The following CNST variants were observed in gnomAD, a reference collection of about 807,000 sequenced individuals.
CNST encodes the protein consortin.
A neutral mutation model predicts 72.4 loss-of-function variants in CNST; 39 were observed. That is an observed-to-expected ratio of 0.54 (90% CI 0.42 to 0.70). CNST has a LOEUF of 0.70. Ranked by LOEUF, CNST falls within the 30% of genes least tolerant of loss-of-function variation. The pLI is 0.00. For synonymous variants in CNST, 332 were observed against 320.1 expected (o/e 1.04, Z -0.40); for missense variants, 871 against 868.5 (o/e 1.00, Z -0.04).
intron 2 of CNST, among the ~76,000 whole-genome samples, chr1:246,609,151 A>G (rs1240066301): frequency 6.6e-6 from 1 of 152,234 alleles, no homozygotes; most frequent in African/African-American, 2.4e-5. Context: ...GCCCGAGGTC[A>G]GGTCAGAAGG....
chr1:246,622,081 G>A (rs777615557), intron 3 of CNST, among the ~76,000 whole-genome samples: 7 of 152,126 alleles, frequency 4.6e-5, no homozygotes, highest in Non-Finnish European at 1.0e-4. Flanking sequence ...TGGTGAGCCC[G>A]GGGGAGGGTG....
At position 246,666,236 on chromosome 1, in the gene CNST, A is replaced by G; in HGVS notation, c.*331A>G. On this transcript the variant is annotated 3_prime_UTR_variant, in exon 11 of 11. Coordinates refer to ENST00000366513, the MANE Select transcript of CNST (RefSeq NM_152609.3). Reference sequence around the variant, plus strand: ...CCACACTATTTTTAGCTACCTTGTCAAGCTAATGGTTAAAGAACACTTTTG... The same window carrying G: ...CCACACTATTTTTAGCTACCTTGTCGAGCTAATGGTTAAAGAACACTTTTG... 5.0e-6 allele frequency: 1 copy of G among 200,248 alleles called. No individual in the cohort carries two copies. Among genetic ancestry groups the G allele is most frequent in the Non-Finnish European group, 1.0e-5 (1 of 99,406 alleles). The allele number at this position is 200,248 out of a possible 1,614,324, so 12.4% of individuals were successfully genotyped here. A position where few individuals can be genotyped will look rare whatever the true frequency, so the allele number is the denominator to read the frequency against.
At chr1:246,569,197 A>G (rs1659909415) in intron 1 of CNST, among the ~76,000 whole-genome samples, 1 of 152,224 alleles carries the variant, frequency 6.6e-6, no homozygotes, top group Non-Finnish European at 1.5e-5. Flanking sequence ...TTAAGAAAGT[A>G]AAAAGAAACA....
intron 6 of CNST, among the ~76,000 whole-genome samples, chr1:246,639,954 G>A (rs753016244): frequency 6.6e-6 from 1 of 152,160 alleles, no homozygotes; most frequent in African/African-American, 2.4e-5. Context: ...TCAGGGATAC[G>A]TGTCTTCCGG....
intron 8 of CNST, among the ~76,000 whole-genome samples, chr1:246,643,713 G>A (rs1436402839): frequency 6.6e-6 from 1 of 152,148 alleles, no homozygotes; most frequent in Non-Finnish European, 1.5e-5. Flanking sequence ...ACCCTATGAG[G>A]GAGTATGGAC....
intron 6 of CNST, among the ~76,000 whole-genome samples, chr1:246,635,117 T>G (rs1184148523): frequency 6.6e-6 from 1 of 152,220 alleles, no homozygotes; most frequent in East Asian, 1.9e-4. Context: ...GGGAGAATCT[T>G]TCATTCCTAT....
At chr1:246,646,778 C>T (rs1234031624) in intron 8 of CNST, among the ~76,000 whole-genome samples, 1 of 152,190 alleles carries the variant, frequency 6.6e-6, no homozygotes, top group African/African-American at 2.4e-5. Context: ...CTGTGCCTGG[C>T]CCCATACACC....
At chr1:246,584,810 C>T (rs1210536060) in intron 1 of CNST, among the ~76,000 whole-genome samples, 1 of 152,196 alleles carries the variant, frequency 6.6e-6, no homozygotes, top group East Asian at 1.9e-4. Context: ...CTCCCTGCCT[C>T]CGGTATATGG....
At chr1:246,627,301 T>G (rs1167127432) in intron 3 of CNST, among the ~76,000 whole-genome samples, 1 of 152,256 alleles carries the variant, frequency 6.6e-6, no homozygotes, top group East Asian at 1.9e-4. Context: ...GATCTTGTCC[T>G]GTTAGCCTCC....
intron 2 of CNST, among the ~76,000 whole-genome samples, chr1:246,614,040 T>G (rs1663518590): frequency 6.6e-6 from 1 of 152,012 alleles, no homozygotes. Context: ...AAAATGCCCA[T>G]CAGCTTAGTT....
At chr1:246,577,990 C>T (rs922285353) in intron 1 of CNST, among the ~76,000 whole-genome samples, 8 of 152,030 alleles carry the variant, frequency 5.3e-5, no homozygotes, top group African/African-American at 1.7e-4. Context: ...TTGTTAAGTA[C>T]ATTTTAAACA....
chr1:246,585,829 T>C (rs1324119316), intron 1 of CNST, among the ~76,000 whole-genome samples: 2 of 151,372 alleles, frequency 1.3e-5, no homozygotes, highest in Non-Finnish European at 2.9e-5. Flanking sequence ...TCTGTAATCC[T>C]GGCACTTTGG....
chr1:246,604,262 G>GA (rs997635338), intron 2 of CNST, among the ~76,000 whole-genome samples: 23 of 144,280 alleles, frequency 1.6e-4, no homozygotes, highest in Middle Eastern at 3.5e-3. Context: ...TCAAAAAAAA[G>GA]AAAAAAAAAA....
chr1:246,566,848 C>T (rs1193610577), intron 1 of CNST, 185 bp downstream of exon 1: 4 of 394,598 alleles, frequency 1.0e-5, no homozygotes, highest in Non-Finnish European at 1.3e-5. Context: ...GTTTTCCTCT[C>T]CTTTCTCAGC....
rs1310903130 is a variant in CNST at position 246,591,525 on chromosome 1, T to C, written c.-38T>C. 6.2e-7 allele frequency: 1 copy of C among 1,610,882 alleles called. No homozygotes were observed. The highest frequency in any genetic ancestry group is 8.5e-7 in the Non-Finnish European group (1 of 1,177,958). ...TTGTCATTGTAGACATGGAAGGTCT[T>C]TAATGTAACTTTAAATGGTTCACCA... is the stretch of plus-strand genomic sequence containing the variant. On this transcript the variant is annotated 5_prime_UTR_variant, in exon 2 of 11. Coordinates refer to ENST00000366513, the MANE Select transcript of CNST (RefSeq NM_152609.3).
chr1:246,639,050 C>T (rs1665500506), intron 6 of CNST, among the ~76,000 whole-genome samples: 1 of 152,148 alleles, frequency 6.6e-6, no homozygotes, highest in African/African-American at 2.4e-5. Flanking sequence ...AGGGTGAGGA[C>T]AGCAGCTGCC....
At chr1:246,634,125 C>A (rs1664973873) in intron 5 of CNST, 115 bp downstream of exon 5, 1 of 714,158 alleles carries the variant, frequency 1.4e-6, no homozygotes, top group Non-Finnish European at 2.4e-6. Flanking sequence ...TTTCCATAAA[C>A]AAGTTAATGT....
At chr1:246,642,178 C>G in intron 8 of CNST, 141 bp downstream of exon 8, 1 of 469,642 alleles carries the variant, frequency 2.1e-6, no homozygotes, top group Non-Finnish European at 3.5e-6. Flanking sequence ...TGTACATATA[C>G]CTCTCCTAGA....
chr1:246,605,714 CTTCCGGCCGG>C lies in CNST; in HGVS notation c.379+13774_379+13783del, dbSNP rs1662707835. On this transcript the variant is annotated intron_variant, in intron 2 of 10. Coordinates refer to ENST00000366513, the MANE Select transcript of CNST (RefSeq NM_152609.3). ...GGTGTCTTCCGGCCGGGGTAGGTGT[CTTCCGGCCGG>C]GGTAGGTGTCTTCCGGCCGGGGTGC... is the stretch of plus-strand genomic sequence containing the variant. Among the ~76,000 whole-genome samples the C allele has an allele frequency of 1.8e-5, 2 of 111,790 alleles. 1 individual carries two copies. The highest frequency in any genetic ancestry group is 1.8e-4 in the Admixed American group (2 of 10,876). 73.3% of individuals were successfully genotyped at this position (111,790 alleles called of 152,430 possible).
Sources: gnomAD v4.1 joint callset for allele counts (sites outside exome capture counted in the v4.1 genomes callset) on GRCh38, gnomAD v4.1.1 for gene constraint, MANE v1.5 for transcripts, NCBI Gene and HGNC (gene_info 2026-07-23, HGNC 2026-07-21) for gene names.